ADAM18: variants seen among roughly 807,000 people sequenced by gnomAD.
ADAM18 encodes ADAM metallopeptidase domain 18.
Under a neutral mutation model 94.4 loss-of-function variants are expected in ADAM18, and 117 were observed. The observed-to-expected ratio is 1.24, with a 90% CI of 1.07 to 1.45. The LOEUF (loss-of-function observed/expected upper bound fraction) is 1.45, where lower values mean the gene tolerates loss of function less well. Among genes scored for constraint, ADAM18 ranks in the 40% most tolerant of loss-of-function variants. ADAM18 has a pLI of 0.00. For missense variants in ADAM18, 936 were observed against 880.0 expected, an observed-to-expected ratio of 1.06 and a Z score of -0.81; for synonymous variants, 327 against 291.6, an observed-to-expected ratio of 1.12 and a Z score of -1.24.
intron 12 of ADAM18, among the ~76,000 whole-genome samples, chr8:39,653,540 C>T (rs1034268550): frequency 3.9e-5 from 6 of 152,150 alleles, no homozygotes; most frequent in Non-Finnish European, 5.9e-5. Flanking sequence ...AACCTCTCAT[C>T]AGAGAGAAGT....
intron 19 of ADAM18, among the ~76,000 whole-genome samples, chr8:39,729,681 A>G (rs1823019508): frequency 6.6e-6 from 1 of 152,060 alleles, no homozygotes. Flanking sequence ...TCCTTATAAT[A>G]TAGATAAGTT....
At chr8:39,667,835 T>G (rs1489814474) in intron 13 of ADAM18, among the ~76,000 whole-genome samples, 163 bp from the exon 14 acceptor site, 3 of 152,224 alleles carry the variant, frequency 2.0e-5, no homozygotes, top group Non-Finnish European at 4.4e-5. Context: ...GGCTTCACAA[T>G]GAATACTGTA....
At chr8:39,609,298 A>G (rs1316448718) in intron 4 of ADAM18, among the ~76,000 whole-genome samples, 178 bp downstream of exon 4, 1 of 152,044 alleles carries the variant, frequency 6.6e-6, no homozygotes, top group Non-Finnish European at 1.5e-5. Context: ...ACTCACAGGG[A>G]CTCTCTTGTG....
chr8:39,619,138 T>C (rs1353431624), intron 6 of ADAM18, among the ~76,000 whole-genome samples: 2 of 152,222 alleles, frequency 1.3e-5, no homozygotes, highest in African/African-American at 2.4e-5. Flanking sequence ...CAAATATCTT[T>C]GCACCCAATA....
intron 17 of ADAM18, among the ~76,000 whole-genome samples, chr8:39,700,058 T>C (rs2129581090): frequency 6.6e-6 from 1 of 152,324 alleles, no homozygotes; most frequent in Middle Eastern, 3.4e-3. Context: ...ATATTCTATC[T>C]GTGTGTGATT....
At chr8:39,670,264 A>G (rs1045160550) in intron 14 of ADAM18, among the ~76,000 whole-genome samples, 1 of 152,278 alleles carries the variant, frequency 6.6e-6, no homozygotes, top group East Asian at 1.9e-4. Context: ...AGCAAAATGT[A>G]TATTCCTATA....
chr8:39,693,444 C>T lies in ADAM18; in HGVS notation c.1902+764C>T, dbSNP rs988214190. On this transcript the variant is annotated intron_variant, in intron 17 of 19. Transcript: ENST00000265707. ...ATTTTTGGCTTGAATTTTTTACTTC[C>T]TCTGTTACATTTTAGTTCTTCAGCC... 2.0e-5 allele frequency among the ~76,000 whole-genome samples: 3 copies of T among 150,750 alleles called. No homozygotes were observed. The East Asian group carries it at 5.8e-4, about 29-fold the overall frequency.
chr8:39,693,657 A>G (rs1563309463), intron 17 of ADAM18, among the ~76,000 whole-genome samples: 1 of 151,040 alleles, frequency 6.6e-6, no homozygotes. Flanking sequence ...ATTTACGTTC[A>G]GTTGTTGTTT....
chr8:39,678,940 G>A (rs1293612210), intron 15 of ADAM18, among the ~76,000 whole-genome samples: 2 of 152,138 alleles, frequency 1.3e-5, no homozygotes, highest in African/African-American at 4.8e-5. Context: ...AATGGACTTG[G>A]AGGAAGAATT....
At chr8:39,657,822 A>C (rs28642842) in intron 12 of ADAM18, among the ~76,000 whole-genome samples, 3,922 of 152,306 alleles carry the variant, frequency 0.026, 178 homozygotes, top group African/African-American at 0.087. Context: ...AAGCCTTTAT[A>C]GTCTTAAAAA....
chr8:39,706,629 T>C (rs1478692411), intron 17 of ADAM18, among the ~76,000 whole-genome samples, 161 bp from the exon 18 acceptor site: 1 of 152,158 alleles, frequency 6.6e-6, no homozygotes, highest in Non-Finnish European at 1.5e-5. Context: ...TCAAAATTTT[T>C]ACCACTTTTT....
intron 17 of ADAM18, among the ~76,000 whole-genome samples, chr8:39,696,839 G>T (rs145011449): frequency 1.7e-4 from 26 of 151,508 alleles, no homozygotes; most frequent in African/African-American, 6.0e-4. Context: ...AACTTTTAAG[G>T]CTACCTGAAG....
rs374300497 is a variant in ADAM18 at position 39,584,607 on chromosome 8, G to C, written c.-16G>C. ...GTCTCTGTCCTTGGCTGTGGCTCCT[G>C]CGCTCTGGCTGAGCCATGTTCCTTC... On this transcript the variant is annotated 5_prime_UTR_variant, in exon 1 of 20. Coordinates refer to ENST00000265707, the MANE Select transcript of ADAM18 (RefSeq NM_014237.3). The C allele has an allele frequency of 1.8e-4, 295 of 1,612,118 alleles. No individual in the cohort carries two copies. The African/African-American group carries it at 3.7e-3, about 20-fold the overall frequency.
chr8:39,629,693 CCT>C (rs1408946782), intron 7 of ADAM18, among the ~76,000 whole-genome samples: 11 of 151,194 alleles, frequency 7.3e-5, no homozygotes, highest in African/African-American at 2.7e-4. Flanking sequence ...TTCCTTCCTT[CCT>C]CTTTCTTTCA....
chr8:39,671,440 CT>C (rs1029446438), intron 14 of ADAM18, among the ~76,000 whole-genome samples: 6 of 152,186 alleles, frequency 3.9e-5, no homozygotes, highest in Non-Finnish European at 8.8e-5. Flanking sequence ...TAGAGGGCCT[CT>C]GCTAACTTAT....
chr8:39,682,027 C>T (rs980190741), intron 16 of ADAM18, among the ~76,000 whole-genome samples: 1 of 152,078 alleles, frequency 6.6e-6, no homozygotes, highest in East Asian at 1.9e-4. Context: ...CAAGAACTAT[C>T]AGGAAAACAT....
chr8:39,587,923 T>G (rs77940966), intron 2 of ADAM18, among the ~76,000 whole-genome samples: 4,861 of 152,328 alleles, frequency 0.032, 286 homozygotes, highest in African/African-American at 0.11. Context: ...CACATTTTCT[T>G]TATGCATTCA....
chr8:39,621,296 A>C (rs965455744), intron 6 of ADAM18, among the ~76,000 whole-genome samples: 3 of 148,874 alleles, frequency 2.0e-5, no homozygotes, highest in Non-Finnish European at 4.5e-5. Flanking sequence ...ACATGAACAC[A>C]TGCATGACAA....
At chr8:39,711,211 G>A (rs1255731471) in intron 18 of ADAM18, among the ~76,000 whole-genome samples, 3 of 152,132 alleles carry the variant, frequency 2.0e-5, no homozygotes, top group Non-Finnish European at 4.4e-5. Flanking sequence ...TGCAAAAATA[G>A]CCTGGTAAGT....
Sources: allele counts gnomAD v4.1 joint callset (sites outside exome capture counted in the v4.1 genomes callset), GRCh38; gene constraint gnomAD v4.1.1; transcripts MANE v1.5; gene names NCBI Gene and HGNC (gene_info 2026-07-23, HGNC 2026-07-21).